The following TP63 variants were observed in gnomAD, a reference collection of about 807,000 sequenced individuals.
TP63 encodes tumor protein 63.
In TP63, 17 loss-of-function variants were observed where a neutral mutation model predicts 82.8. The observed-to-expected ratio is 0.21, with a 90% confidence interval of 0.14 to 0.31. The LOEUF is 0.31. TP63 is among the 10% of genes least tolerant of loss of function. The probability of loss-of-function intolerance (pLI) is 1.00; values close to 1 mark genes in which losing one functional copy is unlikely to be tolerated. For synonymous variants in TP63, 330 were observed against 321.7 expected, an observed-to-expected ratio of 1.03 and a Z score of -0.28; for missense variants, 648 against 895.3, an observed-to-expected ratio of 0.72 and a Z score of 3.52.
intron 4 of TP63, among the ~76,000 whole-genome samples, chr3:189,820,711 A>AT (rs1034191483): frequency 2.2e-4 from 33 of 152,346 alleles, no homozygotes; most frequent in African/African-American, 7.5e-4. Context: ...CTGATGGTAT[A>AT]TTTTTATGGA....
chr3:189,698,932 A>G (rs1717597671), intron 1 of TP63, among the ~76,000 whole-genome samples: 1 of 152,158 alleles, frequency 6.6e-6, no homozygotes, highest in African/African-American at 2.4e-5. Flanking sequence ...CAGAAATTCT[A>G]TTGGTATAAA....
chr3:189,640,366 T>C (rs1235404521), intron 1 of TP63, among the ~76,000 whole-genome samples: 1 of 152,142 alleles, frequency 6.6e-6, no homozygotes. Flanking sequence ...GATAAATCTT[T>C]GTACCTTCAT....
At chr3:189,779,559 G>A (rs1466893480) in intron 3 of TP63, among the ~76,000 whole-genome samples, 2 of 152,146 alleles carry the variant, frequency 1.3e-5, no homozygotes, top group Non-Finnish European at 2.9e-5. Context: ...AAATAAAAAA[G>A]GTGATTTGCT....
At chr3:189,737,973 G>C (rs1178558153) in intron 2 of TP63, 105 bp downstream of exon 2, 154 of 1,427,402 alleles carry the variant, frequency 1.1e-4, no homozygotes, top group East Asian at 2.6e-4. Flanking sequence ...ATCAGTAGAA[G>C]TTATTTAGGA....
intron 3 of TP63, among the ~76,000 whole-genome samples, chr3:189,756,515 A>C (rs553852577): frequency 6.6e-6 from 1 of 152,336 alleles, no homozygotes; most frequent in Admixed American, 6.5e-5. Context: ...CAGCCTTCTT[A>C]ATAAAATAAG....
chr3:189,627,938 T>C (rs923764311), upstream of TP63, among the ~76,000 whole-genome samples: 1 of 152,146 alleles, frequency 6.6e-6, no homozygotes, highest in Non-Finnish European at 1.5e-5. Context: ...TTATTTTTAA[T>C]CAGTTGCAAT....
At chr3:189,653,733 A>C (rs997905419) in intron 1 of TP63, among the ~76,000 whole-genome samples, 3 of 152,222 alleles carry the variant, frequency 2.0e-5, no homozygotes, top group Non-Finnish European at 4.4e-5. Flanking sequence ...AATCTTTCAT[A>C]AACTGCAATT....
chr3:189,601,737 A>G, the TP63 span, among the ~76,000 whole-genome samples: 67 of 152,272 alleles, frequency 4.4e-4, no homozygotes, highest in African/African-American at 1.4e-3. Flanking sequence ...ATATAGATCC[A>G]TTTCCCACAT....
chr3:189,622,680 C>T, the TP63 span, among the ~76,000 whole-genome samples: 9 of 152,290 alleles, frequency 5.9e-5, no homozygotes, highest in Admixed American at 3.3e-4. Context: ...AATGTTATTT[C>T]ATTGAGTGGA....
intron 3 of TP63, among the ~76,000 whole-genome samples, chr3:189,771,642 A>T (rs932688076): frequency 1.3e-5 from 2 of 151,262 alleles, no homozygotes; most frequent in Non-Finnish European, 2.9e-5. Context: ...AGCCCTCCTG[A>T]GTTGAATATT....
At chr3:189,637,213 A>G (rs1335849379) in intron 1 of TP63, among the ~76,000 whole-genome samples, 3 of 152,146 alleles carry the variant, frequency 2.0e-5, no homozygotes, top group East Asian at 1.9e-4. Flanking sequence ...AGAGAACACA[A>G]AAACTCCACA....
chr3:189,667,238 A>C (rs1196947895), intron 1 of TP63, among the ~76,000 whole-genome samples: 1 of 145,662 alleles, frequency 6.9e-6, no homozygotes, highest in Non-Finnish European at 1.5e-5. Flanking sequence ...ACAGTGGTGC[A>C]ATCTCTACTC....
chr3:189,832,581 A>G (rs1254134839), intron 4 of TP63, among the ~76,000 whole-genome samples: 1 of 152,222 alleles, frequency 6.6e-6, no homozygotes, highest in Non-Finnish European at 1.5e-5. Flanking sequence ...CTCTGGCCGC[A>G]TAGTCAGTTA....
At chr3:189,642,031 T>C (rs1711929985) in intron 1 of TP63, among the ~76,000 whole-genome samples, 1 of 152,174 alleles carries the variant, frequency 6.6e-6, no homozygotes, top group Non-Finnish European at 1.5e-5. Context: ...TCCTGCCACC[T>C]AAGAAGCAAG....
intron 4 of TP63, among the ~76,000 whole-genome samples, chr3:189,815,173 G>T (rs1728040634): frequency 6.7e-6 from 1 of 150,368 alleles, no homozygotes; most frequent in South Asian, 2.1e-4. Flanking sequence ...CAGCTACATG[G>T]TATCTTTCTT....
At position 189,689,098 on chromosome 3, in the gene TP63, C is replaced by CTTTTTTTTTTTTTTTTTTTTTTTTTTTT. The variant is rs1383931117; in HGVS notation, c.63-48637_63-48636insTTTTTTTTTTTTTTTTTTTTTTTTTTTT. Among the ~76,000 whole-genome samples the CTTTTTTTTTTTTTTTTTTTTTTTTTTTT allele has an allele frequency of 4.7e-5, 4 of 85,140 alleles. 2 individuals carry two copies. Among genetic ancestry groups the CTTTTTTTTTTTTTTTTTTTTTTTTTTTT allele is most frequent in the Non-Finnish European group, 8.5e-5 (4 of 46,814 alleles). The allele number at this position is 85,140 out of a possible 152,430, so 55.9% of individuals were successfully genotyped here. A position where few individuals can be genotyped will look rare whatever the true frequency, so the allele number is the denominator to read the frequency against. ...CAGAGTGGCCAGCATTCAAATCTAC[C>CTTTTTTTTTTTTTTTTTTTTTTTTTTTT]TTTTTCTTTTTTTTTTTTTTTTTTT... On this transcript the variant is annotated intron_variant, in intron 1 of 13. Coordinates refer to ENST00000264731, the MANE Select transcript of TP63 (RefSeq NM_003722.5).
chr3:189,745,708 CAAAAAAAAAA>C (rs71298529), intron 3 of TP63, among the ~76,000 whole-genome samples: 2 of 17,790 alleles, frequency 1.1e-4, no homozygotes, highest in Non-Finnish European at 2.0e-4. Flanking sequence ...AACTCCATCT[CAAAAAAAAAA>C]AAAAAAAAAA....
intron 10 of TP63, among the ~76,000 whole-genome samples, chr3:189,878,017 G>A (rs746612057): frequency 9.9e-5 from 15 of 151,878 alleles, no homozygotes; most frequent in African/African-American, 2.4e-4. Context: ...TGCCTGGCAC[G>A]TTTTTCTGAC....
chr3:189,738,850 T>C lies in TP63; in HGVS notation c.324+76T>C, dbSNP rs76191543. 6,103 of 1,580,340 alleles carry C rather than the reference T, an allele frequency of 3.9e-3. 206 individuals are homozygous for C. The African/African-American group carries it at 0.073, about 19-fold the overall frequency. ...TCTGTTAAACCTGTCTTTTCAGTCA[T>C]GTGTGAAAAGGCAGGTGGCTCTGAA... On this transcript the variant is annotated intron_variant, in intron 3 of 13. Coordinates refer to ENST00000264731, the MANE Select transcript of TP63 (RefSeq NM_003722.5).
Sources: allele counts gnomAD v4.1 joint callset (sites outside exome capture counted in the v4.1 genomes callset), GRCh38; gene constraint gnomAD v4.1.1; transcripts MANE v1.5; gene names NCBI Gene and HGNC (gene_info 2026-07-23, HGNC 2026-07-21).